Variants in TRAFD1 observed in about 807,000 individuals in gnomAD.
The protein encoded by TRAFD1 is TRAF-type zinc finger domain containing 1, also known as TRAF-type zinc finger domain-containing protein 1.
In TRAFD1, 38 loss-of-function variants were observed where a neutral mutation model predicts 65.3. The ratio of observed to expected loss-of-function variants is 0.58; its 90% confidence interval spans 0.45 to 0.76. The LOEUF (loss-of-function observed/expected upper bound fraction) is 0.76, where lower values mean the gene tolerates loss of function less well. Ranked by LOEUF, TRAFD1 falls within the 30% of genes least tolerant of loss-of-function variation. The pLI is 0.00. For synonymous variants in TRAFD1, 223 were observed against 257.2 expected (o/e 0.87, Z 1.27); for missense variants, 631 against 712.6 (o/e 0.89, Z 1.30).
intron 7 of TRAFD1, among the ~76,000 whole-genome samples, chr12:112,147,674 T>A (rs1289891804): frequency 6.7e-6 from 1 of 148,256 alleles, no homozygotes; most frequent in East Asian, 2.0e-4. Context: ...TTAAAAAAAT[T>A]TTTTTTTTTT....
chr12:112,126,887 C>G (rs1047640871), intron 1 of TRAFD1, among the ~76,000 whole-genome samples: 1 of 152,174 alleles, frequency 6.6e-6, no homozygotes, highest in Non-Finnish European at 1.5e-5. Flanking sequence ...CCCCAGACCT[C>G]CAGTGATCTG....
At chr12:112,136,442 G>T (rs2029913945) in intron 4 of TRAFD1, among the ~76,000 whole-genome samples, 1 of 151,806 alleles carries the variant, frequency 6.6e-6, no homozygotes, top group African/African-American at 2.4e-5. Context: ...ACCATGCCTG[G>T]CTAATTTTTT....
Position 112,141,190 on chromosome 12 carries a change from C to A in TRAFD1, c.609C>A (p.Asn203Lys). 1 of 1,614,160 alleles carries A rather than the reference C, an allele frequency of 6.2e-7. No individual in the cohort carries two copies. Among genetic ancestry groups the A allele is most frequent in the Non-Finnish European group, 8.5e-7 (1 of 1,180,036 alleles). ...ACAATAGAACTACCAACCAAAGGAA[C>A]ATTACAGCCCAGGTTTCAATTCAGA... ...VFHNRTTNQR[N>K]ITAQVSIQNN... The change falls in exon 5 of 12, where the codon AAC becomes AAA. Residue 203 changes from asparagine to lysine, a missense_variant. By Grantham distance (94) the Asn-to-Lys change is moderately conservative. Coordinates refer to ENST00000412615, the MANE Select transcript of TRAFD1 (RefSeq NM_006700.3).
intron 4 of TRAFD1, chr12:112,140,219 G>C (rs1219519359): frequency 8.9e-6 from 2 of 223,516 alleles, no homozygotes; most frequent in Non-Finnish European, 1.9e-5. Flanking sequence ...AGAAGTTCAA[G>C]ACCAGCCTGG....
At chr12:112,127,558 G>A (rs2079545883) in intron 1 of TRAFD1, among the ~76,000 whole-genome samples, 2 of 151,696 alleles carry the variant, frequency 1.3e-5, no homozygotes, top group Non-Finnish European at 2.9e-5. Context: ...CGACCTCCTG[G>A]GCTCAAGCCT....
At chr12:112,127,940 T>C (rs2079548982) in intron 1 of TRAFD1, among the ~76,000 whole-genome samples, 1 of 152,068 alleles carries the variant, frequency 6.6e-6, no homozygotes, top group Admixed American at 6.6e-5. Flanking sequence ...TGAGCTCAAG[T>C]GATCCACCCA....
chr12:112,135,437 G>T (rs909331837), intron 4 of TRAFD1, among the ~76,000 whole-genome samples: 2 of 152,064 alleles, frequency 1.3e-5, no homozygotes, highest in Non-Finnish European at 2.9e-5. Context: ...ATTCTTTTTT[G>T]TTTGTTTGTT....
rs781402492 is a variant in TRAFD1 at position 112,145,577 on chromosome 12, A to G, written c.851-9A>G. ...CATCCTGAGTCTCATTGTGTGGCCT[A>G]ATACCTAGGTGCAGCTGACGAGATC... On this transcript the variant is annotated splice_polypyrimidine_tract_variant and intron_variant, in intron 6 of 11. Transcript: ENST00000412615. 1 of 1,614,020 alleles carries G rather than the reference A, an allele frequency of 6.2e-7. No homozygotes were observed. The highest frequency in any genetic ancestry group is 2.2e-5 in the East Asian group (1 of 44,878).
In TRAFD1 at chr12:112,139,563, A is replaced by G. The variant is rs574633154; in HGVS notation, c.238-1256A>G. 4.0e-5 allele frequency among the ~76,000 whole-genome samples: 6 copies of G among 151,862 alleles called. No homozygotes were observed. The East Asian group carries it at 9.9e-4, about 25-fold the overall frequency. On this transcript the variant is annotated intron_variant, in intron 4 of 11. Transcript: ENST00000412615. ...CTCAGCCTCCCGAGTAGCTGGGAGT[A>G]CAGGTGAATGCCACCACACCCTGCT...
At position 112,145,682 on chromosome 12, in the gene TRAFD1, AG is replaced by A; in HGVS notation, c.927+22del. 6.2e-7 allele frequency: 1 copy of A among 1,611,994 alleles called. No homozygotes were observed. On this transcript the variant is annotated intron_variant, in intron 7 of 11. Coordinates refer to ENST00000412615, the MANE Select transcript of TRAFD1 (RefSeq NM_006700.3). ...CATCAGGTGTGTTATGAATTACTTG[AG>A]GACTTTTAGTAGGATTGTATGCAGG...
chr12:112,139,497 C>T (rs1187232482), intron 4 of TRAFD1, among the ~76,000 whole-genome samples: 2 of 151,036 alleles, frequency 1.3e-5, no homozygotes, highest in African/African-American at 4.9e-5. Flanking sequence ...TATCCCAGCT[C>T]ACTGCAACCT....
chr12:112,146,380 G>C (rs1286783379), intron 7 of TRAFD1, among the ~76,000 whole-genome samples: 1 of 151,818 alleles, frequency 6.6e-6, no homozygotes, highest in Non-Finnish European at 1.5e-5. Context: ...AAAAGGGGGG[G>C]GCAGGGAATG....
At chr12:112,146,987 GTTTT>G (rs547077120) in intron 7 of TRAFD1, among the ~76,000 whole-genome samples, 2 of 52,512 alleles carry the variant, frequency 3.8e-5, no homozygotes, top group African/African-American at 1.6e-4. Flanking sequence ...GGGAACTTCT[GTTTT>G]TTTTTTTTTT....
intron 1 of TRAFD1, among the ~76,000 whole-genome samples, chr12:112,128,948 G>A (rs1023583064): frequency 1.3e-5 from 2 of 150,456 alleles, no homozygotes; most frequent in African/African-American, 2.5e-5. Flanking sequence ...GGCTGAGGTC[G>A]AGGTTGCAGT....
At position 112,142,074 on chromosome 12, in the gene TRAFD1, G is replaced by GTTT; in HGVS notation, c.644-6_644-4dup. The GTTT allele has an allele frequency of 3.3e-6, 4 of 1,228,778 alleles. No homozygotes were observed. The highest frequency in any genetic ancestry group is 4.5e-6 in the Non-Finnish European group (4 of 889,720). The allele number at this position is 1,228,778 out of a possible 1,614,324, so 76.1% of individuals were successfully genotyped here. A position where few individuals can be genotyped will look rare whatever the true frequency, so the allele number is the denominator to read the frequency against. On this transcript the variant is annotated splice_polypyrimidine_tract_variant and intron_variant, in intron 5 of 11. Coordinates refer to ENST00000412615, the MANE Select transcript of TRAFD1 (RefSeq NM_006700.3). ...TCTAATGTATCCTGAATGTTGGTTG[G>GTTT]TTTTTTTTTTTCAGTTGAAGAACAA... is the stretch of plus-strand genomic sequence containing the variant.
intron 3 of TRAFD1, 63 bp from the exon 4 acceptor site, chr12:112,134,950 G>T (rs2079589489): frequency 1.9e-6 from 3 of 1,613,876 alleles, no homozygotes; most frequent in Non-Finnish European, 2.5e-6. Context: ...GTTTGCTATT[G>T]TGCAATAGCA....
intron 1 of TRAFD1, among the ~76,000 whole-genome samples, chr12:112,127,668 G>T (rs12300518): frequency 0.2 from 29,226 of 147,522 alleles, 4,631 homozygotes; most frequent in East Asian, 0.85. Context: ...TTGCTTTTTT[G>T]TTTTTTGTTT....
At chr12:112,136,495 G>T (rs2029915660) in intron 4 of TRAFD1, among the ~76,000 whole-genome samples, 1 of 151,804 alleles carries the variant, frequency 6.6e-6, no homozygotes, top group Non-Finnish European at 1.5e-5. Flanking sequence ...GTTGGCCAGG[G>T]TGATCTTGAA....
Position 112,140,810 on chromosome 12 carries a change from G to T in TRAFD1, c.238-9G>T. On this transcript the variant is annotated splice_polypyrimidine_tract_variant and intron_variant, in intron 4 of 11. Coordinates refer to ENST00000412615, the MANE Select transcript of TRAFD1 (RefSeq NM_006700.3). ...TGCATATTAACTGCCTCATTCCTCT[G>T]TTTTGTAGGAGACTGAGTGCCCTTT... 1 of 1,613,298 alleles carries T rather than the reference G, an allele frequency of 6.2e-7. No homozygotes were observed. Among genetic ancestry groups the T allele is most frequent in the Non-Finnish European group, 8.5e-7 (1 of 1,179,288 alleles).
Sources: gnomAD v4.1 joint callset for allele counts (sites outside exome capture counted in the v4.1 genomes callset) on GRCh38, gnomAD v4.1.1 for gene constraint, MANE v1.5 for transcripts, NCBI Gene and HGNC (gene_info 2026-07-23, HGNC 2026-07-21) for gene names.